Variants in PCCB observed in about 807,000 individuals in gnomAD.
The protein encoded by PCCB is propionyl-CoA carboxylase beta chain, mitochondrial.
In PCCB, 43 loss-of-function variants were observed where a neutral mutation model predicts 60.7. The observed-to-expected ratio is 0.71, with a 90% CI of 0.55 to 0.91. The LOEUF (loss-of-function observed/expected upper bound fraction) is 0.91. Among genes scored for constraint, PCCB ranks in the 40% least tolerant of loss-of-function variants. The pLI is 0.00. For missense variants in PCCB, 766 were observed against 702.8 expected, an observed-to-expected ratio of 1.09 and a Z score of -1.02; for synonymous variants, 276 against 255.9, an observed-to-expected ratio of 1.08 and a Z score of -0.75.
In PCCB at chr3:136,255,875, A is replaced by G. The variant is rs1218377348; in HGVS notation, c.203A>G (p.Glu68Gly). Residue 68 changes from glutamate (E) to glycine (G), a missense_variant, in exon 2 of 15, where the codon GAG becomes GGG. Coordinates refer to ENST00000251654, the MANE Select transcript of PCCB (RefSeq NM_000532.5). ...TTGTAGGGAAAGCTAACAGCCAGGG[A>G]GAGGATCAGTCTCTTGCTGGACCCT... ...QHKRGKLTAR[E>G]RISLLLDPGS... is the part of the protein sequence containing the mutation. 6.8e-6 allele frequency: 11 copies of G among 1,613,718 alleles called. No homozygotes were observed. The highest frequency in any genetic ancestry group is 2.7e-5 in the African/African-American group (2 of 74,848).
At chr3:136,311,750 A>AG (rs1180992514) in intron 9 of PCCB, among the ~76,000 whole-genome samples, 1 of 152,188 alleles carries the variant, frequency 6.6e-6, no homozygotes, top group Non-Finnish European at 1.5e-5. Flanking sequence ...CTTTGAGCCC[A>AG]GGAGTTTGAG....
intron 14 of PCCB, 71 bp from the exon 15 acceptor site, chr3:136,329,834 T>A: frequency 6.4e-7 from 1 of 1,572,490 alleles, no homozygotes; most frequent in Non-Finnish European, 8.7e-7. Context: ...GTGCCCAGGC[T>A]GAGCAGAAGG....
At chr3:136,288,370 G>T (rs1227883226) in intron 6 of PCCB, among the ~76,000 whole-genome samples, 1 of 151,532 alleles carries the variant, frequency 6.6e-6, no homozygotes, top group African/African-American at 2.4e-5. Context: ...TTTTGAGACG[G>T]AGTCTCCCCC....
chr3:136,262,236 G>C (rs545296967), intron 5 of PCCB, among the ~76,000 whole-genome samples, 171 bp downstream of exon 5: 2 of 152,312 alleles, frequency 1.3e-5, no homozygotes, highest in South Asian at 4.1e-4. Context: ...AAAAGCAAGA[G>C]AGAGTGGGAA....
intron 1 of PCCB, among the ~76,000 whole-genome samples, chr3:136,254,548 T>TTTTTTA (rs1411852644): frequency 1.5e-5 from 2 of 130,348 alleles, no homozygotes; most frequent in Non-Finnish European, 1.6e-5. Context: ...TTTTTTTTTT[T>TTTTTTA]AAAAGACAGG....
At chr3:136,326,664 C>T in intron 10 of PCCB, 139 bp from the exon 11 acceptor site, 2 of 741,280 alleles carry the variant, frequency 2.7e-6, no homozygotes, top group Non-Finnish European at 4.9e-6. Flanking sequence ...TTGAGGGGTC[C>T]TTGTTACCAT....
chr3:136,252,310 T>G (rs1165910355), intron 1 of PCCB: 31 of 455,262 alleles, frequency 6.8e-5, no homozygotes, highest in Non-Finnish European at 1.3e-4. Flanking sequence ...CAGGCTAGAG[T>G]GCAGCAGCTC....
In PCCB at chr3:136,327,738, G is replaced by A; in HGVS notation, c.1398+6G>A. The A allele has an allele frequency of 6.2e-7, 1 of 1,607,244 alleles. No homozygotes were observed. The highest frequency in any genetic ancestry group is 8.5e-7 in the Non-Finnish European group (1 of 1,174,202). On this transcript the variant is annotated splice_donor_region_variant and intron_variant, in intron 13 of 14. Transcript: ENST00000251654. Reference sequence around the variant, plus strand: ...TTGCAGTCATGGGAGCAAAGGTGAGGGCCTCTTGCTTTTCCCTTTCTGGGT... The same window carrying A: ...TTGCAGTCATGGGAGCAAAGGTGAGAGCCTCTTGCTTTTCCCTTTCTGGGT...
At chr3:136,286,895 G>A (rs1371323061) in intron 6 of PCCB, among the ~76,000 whole-genome samples, 1 of 151,992 alleles carries the variant, frequency 6.6e-6, no homozygotes, top group African/African-American at 2.4e-5. Context: ...GCCAAGCGTG[G>A]TGGTACGTGC....
intron 10 of PCCB, among the ~76,000 whole-genome samples, chr3:136,320,397 A>G (rs1014615277): frequency 1.3e-5 from 2 of 152,248 alleles, no homozygotes; most frequent in East Asian, 3.9e-4. Context: ...TCAGAGTCCA[A>G]GCCTATCACC....
In PCCB at chr3:136,293,866, T is replaced by G. The variant is rs1553778914; in HGVS notation, c.763+2T>G. ...CCAAGACCCACACCACCATGTCAGG[T>G]GAGAGGCCTTGAAGATGACCTTGTT... On this transcript the variant is annotated splice_donor_variant, in intron 7 of 14. Coordinates refer to ENST00000251654, the MANE Select transcript of PCCB (RefSeq NM_000532.5). LOFTEE classifies it high-confidence loss of function. 6.6e-7 allele frequency: 1 copy of G among 1,513,450 alleles called. No homozygotes were observed. The highest frequency in any genetic ancestry group is 2.2e-5 in the East Asian group (1 of 44,446). The allele number at this position is 1,513,450 out of a possible 1,614,324, so 93.8% of individuals were successfully genotyped here. A position where few individuals can be genotyped will look rare whatever the true frequency, so the allele number is the denominator to read the frequency against.
chr3:136,287,320 C>A (rs1450979888), intron 6 of PCCB, among the ~76,000 whole-genome samples: 1 of 151,926 alleles, frequency 6.6e-6, no homozygotes, highest in Non-Finnish European at 1.5e-5. Context: ...TGGCTTCTGG[C>A]TCATTATGTT....
chr3:136,267,940 G>T (rs1942050572), intron 5 of PCCB, among the ~76,000 whole-genome samples: 1 of 142,546 alleles, frequency 7.0e-6, no homozygotes. Context: ...TTGTAGGTTT[G>T]GCTCTTTTTT....
intron 5 of PCCB, among the ~76,000 whole-genome samples, chr3:136,267,420 C>T (rs1283869843): frequency 1.3e-5 from 2 of 152,056 alleles, no homozygotes; most frequent in African/African-American, 4.8e-5. Flanking sequence ...GTCTTGAACT[C>T]CTGGTCTCAA....
At chr3:136,261,251 ATAAT>A (rs766639844) in intron 4 of PCCB, among the ~76,000 whole-genome samples, 5 of 152,196 alleles carry the variant, frequency 3.3e-5, no homozygotes, top group Admixed American at 6.5e-5. Context: ...AAAACTATAA[ATAAT>A]AGAGAATTTT....
chr3:136,276,881 GA>G (rs1942343309), intron 5 of PCCB, among the ~76,000 whole-genome samples: 1 of 152,218 alleles, frequency 6.6e-6, no homozygotes, highest in Non-Finnish European at 1.5e-5. Context: ...CCTGCCATCT[GA>G]ATTCTTTTGT....
intron 7 of PCCB, 112 bp downstream of exon 7, chr3:136,293,976 G>T: frequency 1.4e-6 from 1 of 723,794 alleles, no homozygotes; most frequent in Non-Finnish European, 2.5e-6. Flanking sequence ...GACCTTATTT[G>T]GGAAGACTGT....
chr3:136,262,057 A>C lies in PCCB; in HGVS notation c.535A>C (p.Ile179Leu). 6.5e-7 allele frequency: 1 copy of C among 1,547,604 alleles called. No homozygotes were observed. Residue 179 changes from isoleucine (I) to leucine (L), a missense_variant, in exon 5 of 15, where the codon ATC becomes CTC. Physicochemically the swap from Ile to Leu is conservative, Grantham distance 5 (BLOSUM62 2). Coordinates refer to ENST00000251654, the MANE Select transcript of PCCB (RefSeq NM_000532.5). ...GGAGTCTTTGGCTGGCTATGCAGAC[A>C]TCTTTCTGGTGAGAAACCTGTTAAT... ...GVESLAGYAD[I>L]FLRNVTASGV...
intron 9 of PCCB, among the ~76,000 whole-genome samples, chr3:136,302,002 A>G (rs1934304546): frequency 6.6e-6 from 1 of 152,196 alleles, no homozygotes; most frequent in African/African-American, 2.4e-5. Flanking sequence ...TCAGCCCTTT[A>G]AATTCCTTGG....
Sources: gnomAD v4.1 joint callset for allele counts (sites outside exome capture counted in the v4.1 genomes callset) on GRCh38, gnomAD v4.1.1 for gene constraint, MANE v1.5 for transcripts, NCBI Gene and HGNC (gene_info 2026-07-23, HGNC 2026-07-21) for gene names.